Variants in APTX observed in about 807,000 individuals in gnomAD.
APTX encodes aprataxin.
A neutral mutation model predicts 42.3 loss-of-function variants in APTX; 33 were observed. The ratio of observed to expected loss-of-function variants is 0.78; its 90% CI spans 0.59 to 1.04. The LOEUF is 1.04. APTX is among the 50% of genes least tolerant of loss of function. The pLI, the probability that APTX is intolerant of heterozygous loss-of-function variation, is 0.00. For missense variants in APTX, 421 were observed against 415.1 expected, an observed-to-expected ratio of 1.01 and a Z score of -0.12; for synonymous variants, 130 against 146.7, an observed-to-expected ratio of 0.89 and a Z score of 0.82.
At chr9:32,993,243 T>G (rs951461781) in intron 1 of APTX, among the ~76,000 whole-genome samples, 2 of 152,220 alleles carry the variant, frequency 1.3e-5, no homozygotes, top group African/African-American at 4.8e-5. Flanking sequence ...TTTTTACTAC[T>G]TCCTGAGAAG....
At chr9:33,001,733 G>A, upstream of APTX, 1 of 1,290,764 alleles carries the variant, frequency 7.7e-7, no homozygotes, top group Non-Finnish European at 1.1e-6. Context: ...ATCAAAAAGC[G>A]TCCGCCCCAA....
intron 2 of APTX, 86 bp from the exon 3 acceptor site, chr9:32,988,215 C>T (rs1460414569): frequency 1.6e-6 from 2 of 1,226,134 alleles, no homozygotes; most frequent in African/African-American, 1.5e-5. Flanking sequence ...ACAAGCTTCA[C>T]TACAGGCGGC....
chr9:33,023,575 T>C (rs141602125), intron 1 of APTX, among the ~76,000 whole-genome samples: 115 of 152,324 alleles, frequency 7.5e-4, no homozygotes, highest in African/African-American at 2.7e-3. Context: ...CTGGTAATAT[T>C]AGACGTTTAT....
In APTX at chr9:32,987,594, C is replaced by A; in HGVS notation, c.433G>T (p.Gly145Cys). The A allele has an allele frequency of 6.2e-7, 1 of 1,614,158 alleles. No individual in the cohort carries two copies. Among genetic ancestry groups the A allele is most frequent in the Non-Finnish European group, 8.5e-7 (1 of 1,180,036 alleles). Residue 145 changes from glycine (G) to cysteine (C), a missense_variant, in exon 4 of 8, where the codon GGC (glycine) becomes TGC (cysteine). Coordinates refer to ENST00000379817, the MANE Select transcript of APTX (RefSeq NM_001195248.2). ...GTGLEPGSNS[G>C]QCSVPLKKGK... ...TTCTTTAGGGGCACAGAGCATTGGCCAGAGTTGCTCCCAGGTTCCAGCCCT... is the reference window on the plus strand; with the variant it reads ...TTCTTTAGGGGCACAGAGCATTGGCAAGAGTTGCTCCCAGGTTCCAGCCCT...
At chr9:32,974,641 A>G (rs1222066509) in intron 6 of APTX, 80 bp from the exon 7 acceptor site, 2 of 792,854 alleles carry the variant, frequency 2.5e-6, no homozygotes, top group Non-Finnish European at 4.4e-6. Flanking sequence ...GTATGAGTAC[A>G]TTGTATATTC....
chr9:33,014,525 AGC>A (rs778762512), intron 1 of APTX, among the ~76,000 whole-genome samples: 9,241 of 152,292 alleles, frequency 0.061, 511 homozygotes, highest in Non-Finnish European at 0.094. Flanking sequence ...ATAGCTGGGG[AGC>A]AGCAGGACAT....
intron 1 of APTX, among the ~76,000 whole-genome samples, chr9:32,991,756 G>A (rs965214249): frequency 2.7e-5 from 4 of 148,414 alleles, no homozygotes; most frequent in Non-Finnish European, 4.5e-5. Context: ...CAGCCTGGGC[G>A]ATAGGGCAAG....
intron 1 of APTX, among the ~76,000 whole-genome samples, chr9:33,010,893 A>G (rs142400849): frequency 0.071 from 10,725 of 151,720 alleles, 509 homozygotes; most frequent in Non-Finnish European, 0.11. Flanking sequence ...TGTAATCCCA[A>G]CACGTTGGGA....
At chr9:32,996,221 CT>C (rs532422444) in intron 1 of APTX, among the ~76,000 whole-genome samples, 2 of 151,848 alleles carry the variant, frequency 1.3e-5, no homozygotes, top group Non-Finnish European at 2.9e-5. Flanking sequence ...TGAGGTATGC[CT>C]GTATGTATAC....
intron 1 of APTX, among the ~76,000 whole-genome samples, chr9:33,024,621 G>A (rs1838699680): frequency 6.6e-6 from 1 of 152,114 alleles, no homozygotes; most frequent in Non-Finnish European, 1.5e-5. Flanking sequence ...CTCAGTCCCA[G>A]ACACACTGAG....
At chr9:32,998,296 T>C (rs1835442777) in intron 1 of APTX, among the ~76,000 whole-genome samples, 1 of 152,170 alleles carries the variant, frequency 6.6e-6, no homozygotes, top group Non-Finnish European at 1.5e-5. Flanking sequence ...AGGCAATGTG[T>C]ACAGAATGAA....
intron 1 of APTX, among the ~76,000 whole-genome samples, chr9:33,021,677 T>TG (rs572918119): frequency 6.3e-4 from 95 of 151,574 alleles, no homozygotes; most frequent in South Asian, 2.3e-3. Flanking sequence ...AAAAAAAGGT[T>TG]GGGGGGCGGA....
intron 1 of APTX, chr9:33,019,871 G>C: frequency 1.6e-6 from 1 of 624,672 alleles, no homozygotes; most frequent in East Asian, 3.1e-5. Flanking sequence ...CCTTTGGTGG[G>C]GTTCGGCATC....
At chr9:33,012,681 C>G (rs538194967) in intron 1 of APTX, among the ~76,000 whole-genome samples, 3 of 152,202 alleles carry the variant, frequency 2.0e-5, no homozygotes, top group Admixed American at 6.5e-5. Context: ...GGGAAGCCAC[C>G]CTAGCAGTTG....
rs1255438607 is a variant in APTX at position 32,985,951 on chromosome 9, T to C, written c.543+20A>G. The stretch of plus-strand genomic sequence containing the variant: ...ATTTACAACATGAAATGTACTGAAA[T>C]TCCAAAATTGTATTCTGACCTGCAT... On this transcript the variant is annotated intron_variant, in intron 5 of 7. Transcript: ENST00000379817. The C allele has an allele frequency of 1.2e-6, 2 of 1,607,064 alleles. No homozygotes were observed. Among genetic ancestry groups the C allele is most frequent in the Non-Finnish European group, 8.5e-7 (1 of 1,177,670 alleles).
At chr9:32,988,002 C>T in intron 3 of APTX, 81 bp downstream of exon 3, 1 of 1,537,406 alleles carries the variant, frequency 6.5e-7, no homozygotes, top group Non-Finnish European at 9.0e-7. Flanking sequence ...GAGAAGCCTT[C>T]ACTGGCTGGC....
At chr9:33,020,123 C>T (rs1727780503) in intron 1 of APTX, 2 of 373,064 alleles carry the variant, frequency 5.4e-6, no homozygotes, top group Non-Finnish European at 9.5e-6. Context: ...TCTGCATCCA[C>T]GTCCCACATA....
intron 1 of APTX, among the ~76,000 whole-genome samples, chr9:33,013,796 T>G (rs1837710338): frequency 6.6e-6 from 1 of 152,122 alleles, no homozygotes; most frequent in Non-Finnish European, 1.5e-5. Flanking sequence ...GGTGCAAGAC[T>G]CCGTCTAAAA....
intron 6 of APTX, among the ~76,000 whole-genome samples, chr9:32,983,894 T>C (rs910615549): frequency 1.3e-5 from 2 of 151,996 alleles, no homozygotes; most frequent in African/African-American, 2.4e-5. Context: ...GAGTTTCAAT[T>C]TGGGAAGAGA....
Sources: gnomAD v4.1 joint callset for allele counts (sites outside exome capture counted in the v4.1 genomes callset) on GRCh38, gnomAD v4.1.1 for gene constraint, MANE v1.5 for transcripts, NCBI Gene and HGNC (gene_info 2026-07-23, HGNC 2026-07-21) for gene names.